Variants in PDE6G observed in about 807,000 individuals in gnomAD.
The protein encoded by PDE6G is rod cGMP 3',5'-cyclic phosphodiesterase subunit gamma.
Under a neutral mutation model 10.9 loss-of-function variants are expected in PDE6G, and 10 were observed. The ratio of observed to expected loss-of-function variants is 0.91; its 90% confidence interval spans 0.56 to 1.55. PDE6G has a LOEUF of 1.55. Among genes scored for constraint, PDE6G ranks in the 40% most tolerant of loss-of-function variants. The pLI is 0.00. For synonymous variants in PDE6G, 41 were observed against 42.8 expected (o/e 0.96, Z 0.16); for missense variants, 102 against 110.1 (o/e 0.93, Z 0.33).
chr17:81,660,409 A>G (rs1465958314), upstream of PDE6G, among the ~76,000 whole-genome samples: 1 of 152,220 alleles, frequency 6.6e-6, no homozygotes, highest in Non-Finnish European at 1.5e-5. Flanking sequence ...CTCTGTCTCA[A>G]AACAAAAAAA....
At chr17:81,661,929 G>A (rs541861520) in intron 1 of PDE6G, among the ~76,000 whole-genome samples, 5 of 151,350 alleles carry the variant, frequency 3.3e-5, no homozygotes, top group Admixed American at 6.6e-5. Flanking sequence ...TACTCGGGAG[G>A]TTGAGGCAGG....
At position 81,651,030 on chromosome 17, in the gene PDE6G, A is replaced by C. The variant is rs200232112; in HGVS notation, c.*44T>G. On this transcript the variant is annotated 3_prime_UTR_variant, in exon 4 of 4. Transcript: ENST00000331056. This position sits in a 1 kb window ranked among gnomAD's most constrained non-coding sequence, Gnocchi z 4.8. ...GAATCCTGAGCAGGGTTTAGAGCAC[A>C]GTGGGCAGGAGGGGGAGGGTCTGGA... The C allele has an allele frequency of 9.7e-5, 135 of 1,388,494 alleles. No homozygotes were observed. In the African/African-American group the frequency reaches 1.8e-3, roughly 18 times the overall value. 86.0% of individuals were successfully genotyped at this position (1,388,494 alleles called of 1,614,324 possible). A position where few individuals can be genotyped will look rare whatever the true frequency, so the allele number is the denominator to read the frequency against.
chr17:81,651,600 G>C lies in PDE6G; in HGVS notation c.187+45C>G, dbSNP rs375443020. 6.9e-6 allele frequency: 11 copies of C among 1,600,442 alleles called. No homozygotes were observed. In the African/African-American group the frequency reaches 1.3e-4, roughly 19 times the overall value. On this transcript the variant is annotated intron_variant, in intron 3 of 3. Transcript: ENST00000331056. The surrounding 1 kb of genome is among the most constrained non-coding windows in gnomAD (Gnocchi z 4.8). The stretch of plus-strand genomic sequence containing the variant: ...GCCCCGGGCGTGCTGGGTGTGCCTG[G>C]GGGGACCTGGGCAGACCTCGGGTTG...
In PDE6G at chr17:81,653,186, G is replaced by T. The variant is rs2036390552; in HGVS notation, c.120C>A (p.Ser40Arg). 1 of 1,614,088 alleles carries T rather than the reference G, an allele frequency of 6.2e-7. No individual in the cohort carries two copies. Among genetic ancestry groups the T allele is most frequent in the Non-Finnish European group, 8.5e-7 (1 of 1,180,016 alleles). The change falls in exon 2 of 4, where the codon AGC becomes AGA. Residue 40 changes from serine (S) to arginine (R), a missense_variant. Ser to Arg is a moderately radical substitution (Grantham distance 110, BLOSUM62 -1). Coordinates refer to ENST00000331056, the MANE Select transcript of PDE6G (RefSeq NM_002602.4). The surrounding 1 kb of genome is among the most constrained non-coding windows in gnomAD (Gnocchi z 5.2). ...FKQRQTRQFKSKPPKKGVQGF... is the reference protein window; with the variant it reads ...FKQRQTRQFKRKPPKKGVQGF... ...CTTGAACGCCTTTCTTTGGGGGCTT[G>T]CTCTTGAACTGCCTGGTCTGTCGCT...
Position 81,653,645 on chromosome 17 carries a change from A to C in PDE6G, c.-59-281T>G. 1 of 375,634 alleles carries C rather than the reference A, an allele frequency of 2.7e-6. No individual in the cohort carries two copies. The highest frequency in any genetic ancestry group is 5.1e-6 in the Non-Finnish European group (1 of 196,608). The allele number at this position is 375,634 out of a possible 1,614,324, so 23.3% of individuals were successfully genotyped here. A position where few individuals can be genotyped will look rare whatever the true frequency, so the allele number is the denominator to read the frequency against. ...CTGGCCTCCCTCGCCCCGGCCCACA[A>C]TCCACAGCAAACCTAGCCTCCCAAC... On this transcript the variant is annotated intron_variant, in intron 1 of 3. Coordinates refer to ENST00000331056, the MANE Select transcript of PDE6G (RefSeq NM_002602.4). This position sits in a 1 kb window ranked among gnomAD's most constrained non-coding sequence, Gnocchi z 5.2.
At chr17:81,663,118 T>C (rs550224576), upstream of PDE6G, 1 of 152,344 alleles carries the variant, frequency 6.6e-6, no homozygotes, top group East Asian at 1.9e-4. Context: ...GAGGAATTCA[T>C]TCACCGGCTC....
At chr17:81,659,715 C>T (rs2036492365), upstream of PDE6G, among the ~76,000 whole-genome samples, 1 of 152,154 alleles carries the variant, frequency 6.6e-6, no homozygotes, top group Admixed American at 6.5e-5. Flanking sequence ...CTTGCAGAAC[C>T]GGTTCTGATG....
upstream of PDE6G, among the ~76,000 whole-genome samples, chr17:81,659,403 G>T (rs559644772): frequency 6.6e-6 from 1 of 151,120 alleles, no homozygotes; most frequent in Non-Finnish European, 1.5e-5. Context: ...GTTTGAGACC[G>T]GCCTGGGCAA....
At chr17:81,655,882 T>G (rs2036439838) in intron 1 of PDE6G, among the ~76,000 whole-genome samples, 1 of 152,088 alleles carries the variant, frequency 6.6e-6, no homozygotes, top group South Asian at 2.1e-4. Flanking sequence ...GGACGCGGGC[T>G]CTGCAAGGGG....
rs756961960 is a variant in PDE6G at position 81,653,398 on chromosome 17, C to T, written c.-59-34G>A. 1 of 1,456,786 alleles carries T rather than the reference C, an allele frequency of 6.9e-7. No homozygotes were observed. The highest frequency in any genetic ancestry group is 9.4e-7 in the Non-Finnish European group (1 of 1,067,538). 90.2% of individuals were successfully genotyped at this position (1,456,786 alleles called of 1,614,324 possible). A position where few individuals can be genotyped will look rare whatever the true frequency, so the allele number is the denominator to read the frequency against. On this transcript the variant is annotated intron_variant, in intron 1 of 3. Transcript: ENST00000331056. This position sits in a 1 kb window ranked among gnomAD's most constrained non-coding sequence, Gnocchi z 5.2. ...AGACCAGGCCCGGGTCCCAGTCAGC[C>T]CTCCTGCTTCCAACCCTTGTGGGGG...
chr17:81,661,893 T>C (rs975226560), intron 1 of PDE6G, among the ~76,000 whole-genome samples: 18 of 143,150 alleles, frequency 1.3e-4, no homozygotes, highest in Admixed American at 1.1e-3. Context: ...CAGCCGGGCA[T>C]GGTGGCAGGT....
upstream of PDE6G, chr17:81,656,632 G>A (rs759345768): frequency 1.8e-5 from 13 of 710,924 alleles, no homozygotes; most frequent in African/African-American, 1.0e-4. Flanking sequence ...GTTGGGCCCC[G>A]AGGGGGGGCA....
rs906440005 is a variant in PDE6G, at chr17:81,651,842, C to T, written c.147-157G>A. 1.2e-4 allele frequency among the ~76,000 whole-genome samples: 19 copies of T among 152,190 alleles called. No homozygotes were observed. The highest frequency in any genetic ancestry group is 2.1e-4 in the South Asian group (1 of 4,834). On this transcript the variant is annotated intron_variant, in intron 2 of 3. Transcript: ENST00000331056. The surrounding 1 kb of genome is among the most constrained non-coding windows in gnomAD (Gnocchi z 4.8). ...TCCTCCCCAACCTCCCAGGGCTTGG[C>T]GCATCTGAGGAGGCTTCCCTCACAG...
upstream of PDE6G, among the ~76,000 whole-genome samples, chr17:81,659,978 A>G (rs1415834598): frequency 6.6e-6 from 1 of 151,990 alleles, no homozygotes; most frequent in Non-Finnish European, 1.5e-5. Context: ...CCAGCTACTC[A>G]GGAGGCTGAG....
At chr17:81,657,843 C>T (rs796102057), upstream of PDE6G, among the ~76,000 whole-genome samples, 35 of 151,812 alleles carry the variant, frequency 2.3e-4, no homozygotes, top group African/African-American at 7.5e-4. Context: ...ATCGCGCCAC[C>T]GCACTAGAGC....
exon 1 of PDE6G, chr17:81,663,085 C>A (rs545830779): frequency 6.6e-6 from 1 of 152,186 alleles, no homozygotes; most frequent in African/African-American, 2.4e-5. Context: ...GAGAAAAGTG[C>A]GTCGGCAAGG....
chr17:81,654,908 CG>C (rs1241224448), intron 1 of PDE6G, among the ~76,000 whole-genome samples: 1 of 151,918 alleles, frequency 6.6e-6, no homozygotes, highest in African/African-American at 2.4e-5. Context: ...ACACCACGCC[CG>C]GCTAATTTAT....
chr17:81,652,470 G>A (rs1411998083), intron 2 of PDE6G, among the ~76,000 whole-genome samples: 3 of 151,474 alleles, frequency 2.0e-5, no homozygotes, highest in Admixed American at 2.0e-4. Context: ...GTAGAGACAG[G>A]GTTTCACCTT....
upstream of PDE6G, chr17:81,656,975 A>C: frequency 1.5e-5 from 4 of 270,784 alleles, no homozygotes; most frequent in East Asian, 8.6e-5. Context: ...GAAACCAAAC[A>C]AGGACCCCCC....
Sources: gnomAD v4.1 joint callset for allele counts (sites outside exome capture counted in the v4.1 genomes callset) on GRCh38, gnomAD v4.1.1 for gene constraint, Gnocchi (gnomAD v3.1) non-coding constraint, MANE v1.5 for transcripts, NCBI Gene and HGNC (gene_info 2026-07-23, HGNC 2026-07-21) for gene names.